The following LEPR variants were observed in gnomAD, a reference collection of about 807,000 sequenced individuals.
The protein encoded by LEPR is OB receptor.
Under a neutral mutation model 114.7 loss-of-function variants are expected in LEPR, and 56 were observed. The observed-to-expected ratio is 0.49, with a 90% CI of 0.39 to 0.61. The LOEUF is 0.61. Among genes scored for constraint, LEPR ranks in the 20% least tolerant of loss-of-function variants. LEPR has a pLI of 0.00. For missense variants in LEPR, 1,202 were observed against 1,352.9 expected, an observed-to-expected ratio of 0.89 and a Z score of 1.75; for synonymous variants, 443 against 461.4, an observed-to-expected ratio of 0.96 and a Z score of 0.51.
At chr1:65,454,903 G>A (rs895467174) in intron 2 of LEPR, among the ~76,000 whole-genome samples, 12 of 152,086 alleles carry the variant, frequency 7.9e-5, no homozygotes, top group Non-Finnish European at 1.2e-4. Context: ...CATTCTCCCC[G>A]TCACTTTCAG....
At chr1:65,509,649 T>C (rs905407825) in intron 2 of LEPR, among the ~76,000 whole-genome samples, 5 of 152,174 alleles carry the variant, frequency 3.3e-5, no homozygotes, top group Non-Finnish European at 7.4e-5. Flanking sequence ...GTTGGGAATA[T>C]GAGGTCCTTC....
intron 2 of LEPR, among the ~76,000 whole-genome samples, chr1:65,454,244 A>G (rs979973354): frequency 1.3e-5 from 2 of 152,170 alleles, no homozygotes; most frequent in African/African-American, 4.8e-5. Context: ...CCAATTTGCC[A>G]GTCTGTGTCT....
At chr1:65,516,865 C>T (rs964350937) in intron 2 of LEPR, among the ~76,000 whole-genome samples, 6 of 152,304 alleles carry the variant, frequency 3.9e-5, no homozygotes, top group African/African-American at 1.2e-4. Flanking sequence ...AAAGACTCAT[C>T]ACCTATTCTG....
chr1:65,429,905 C>G (rs778574377), intron 2 of LEPR: 1 of 1,538,510 alleles, frequency 6.5e-7, no homozygotes, highest in South Asian at 1.2e-5. Context: ...CGCCATCTCC[C>G]CCATCCCCCA....
rs758514314 is a variant in LEPR at position 65,618,158 on chromosome 1, ATACTT to A, written c.2395+15_2395+19del. The A allele has an allele frequency of 1.9e-6, 3 of 1,595,830 alleles. No individual in the cohort carries two copies. The highest frequency in any genetic ancestry group is 2.2e-4 in the Middle Eastern group (1 of 4,502). ...GTATTATATCCATGGTAAGTTTACT[ATACTT>A]TAGTAAGTTGCTCTCATGGATTAAT... On this transcript the variant is annotated intron_variant, in intron 16 of 19. Coordinates refer to ENST00000349533, the MANE Select transcript of LEPR (RefSeq NM_002303.6).
chr1:65,506,029 G>T (rs1332961287), intron 2 of LEPR, among the ~76,000 whole-genome samples: 1 of 152,022 alleles, frequency 6.6e-6, no homozygotes, highest in Admixed American at 6.6e-5. Flanking sequence ...GCCTTATTTG[G>T]CAAAAGTAAG....
chr1:65,481,284 T>C (rs969708193), intron 2 of LEPR, among the ~76,000 whole-genome samples: 1 of 152,214 alleles, frequency 6.6e-6, no homozygotes, highest in Non-Finnish European at 1.5e-5. Flanking sequence ...GAATTGAGGA[T>C]TAAGACTTTA....
intron 2 of LEPR, among the ~76,000 whole-genome samples, chr1:65,512,036 C>T (rs1649060576): frequency 6.6e-6 from 1 of 152,116 alleles, no homozygotes; most frequent in Non-Finnish European, 1.5e-5. Context: ...TGGCAGAAGG[C>T]AAACGGGGAG....
intron 2 of LEPR, among the ~76,000 whole-genome samples, chr1:65,540,557 C>G (rs1027439934): frequency 6.6e-6 from 1 of 152,168 alleles, no homozygotes; most frequent in Non-Finnish European, 1.5e-5. Context: ...TGACTGTAAG[C>G]TTCTTGAGGC....
At chr1:65,487,344 A>G (rs548604480) in intron 2 of LEPR, among the ~76,000 whole-genome samples, 2 of 152,148 alleles carry the variant, frequency 1.3e-5, no homozygotes, top group Non-Finnish European at 2.9e-5. Context: ...TGGGCACTAC[A>G]TGATGTTTGT....
chr1:65,621,522 T>A, intron 18 of LEPR, 64 bp downstream of exon 18: 1 of 1,316,702 alleles, frequency 7.6e-7, no homozygotes. Flanking sequence ...AACCCTGATT[T>A]AAAACCTTCT....
At chr1:65,434,341 A>G (rs1646529002) in intron 2 of LEPR, 6 of 985,184 alleles carry the variant, frequency 6.1e-6, no homozygotes, top group Admixed American at 6.1e-5. Context: ...ATATTGTACA[A>G]TATATTTGGA....
At chr1:65,553,846 C>T (rs759131283) in intron 2 of LEPR, among the ~76,000 whole-genome samples, 2 of 152,130 alleles carry the variant, frequency 1.3e-5, no homozygotes, top group Non-Finnish European at 2.9e-5. Context: ...ATGGATTTAT[C>T]TAACTTTGGT....
At chr1:65,453,304 T>A (rs1475193905) in intron 2 of LEPR, among the ~76,000 whole-genome samples, 1 of 152,204 alleles carries the variant, frequency 6.6e-6, no homozygotes, top group Non-Finnish European at 1.5e-5. Flanking sequence ...ATTTTAGTTA[T>A]TTCTTGCCTT....
rs1046271647 is a variant in LEPR at position 65,451,452 on chromosome 1, G to A, written c.-21+26074G>A. 3.9e-5 allele frequency among the ~76,000 whole-genome samples: 6 copies of A among 152,002 alleles called. No individual in the cohort carries two copies. The East Asian group carries it at 5.8e-4, about 15-fold the overall frequency. On this transcript the variant is annotated intron_variant, in intron 2 of 19. Transcript: ENST00000349533. ...TTTAATCCATCTTGAATTGATTTTT[G>A]TATAAGGTGTAAGGAAGGGATCCAG...
chr1:65,518,885 C>CTTTCTTTCT (rs1649443510), intron 2 of LEPR, among the ~76,000 whole-genome samples: 1 of 80,862 alleles, frequency 1.2e-5, no homozygotes, highest in African/African-American at 4.4e-5. Flanking sequence ...TTCTTTCTTT[C>CTTTCTTTCT]TTTCTTTCTT....
At chr1:65,508,769 G>C (rs1165073047) in intron 2 of LEPR, among the ~76,000 whole-genome samples, 1 of 152,098 alleles carries the variant, frequency 6.6e-6, no homozygotes, top group Non-Finnish European at 1.5e-5. Context: ...TCTGTAGATT[G>C]CTTTGAGTAA....
At chr1:65,497,871 A>T (rs1477696381) in intron 2 of LEPR, among the ~76,000 whole-genome samples, 5 of 152,204 alleles carry the variant, frequency 3.3e-5, no homozygotes, top group Admixed American at 3.3e-4. Flanking sequence ...TATTTAAAAA[A>T]AATTCAAGTT....
intron 5 of LEPR, among the ~76,000 whole-genome samples, chr1:65,574,175 T>G (rs4655518): frequency 0.3 from 46,180 of 151,934 alleles, 7,917 homozygotes; most frequent in East Asian, 0.83. Flanking sequence ...CCTAAGGAAG[T>G]AGATAGCTGA....
Sources: gnomAD v4.1 joint callset for allele counts (sites outside exome capture counted in the v4.1 genomes callset) on GRCh38, gnomAD v4.1.1 for gene constraint, MANE v1.5 for transcripts, NCBI Gene and HGNC (gene_info 2026-07-23, HGNC 2026-07-21) for gene names.